Variants in INTS13 observed in about 807,000 individuals in gnomAD.
The protein encoded by INTS13 is integrator complex subunit 13, also known as asunder, spermatogenesis regulator homolog (Drosphila).
A neutral mutation model predicts 90.2 loss-of-function variants in INTS13; 35 were observed. The ratio of observed to expected loss-of-function variants is 0.39; its 90% CI spans 0.30 to 0.51. The LOEUF (loss-of-function observed/expected upper bound fraction) is 0.51, where lower values mean the gene tolerates loss of function less well. Ranked by LOEUF, INTS13 falls within the 20% of genes least tolerant of loss-of-function variation. The pLI, the probability that INTS13 is intolerant of heterozygous loss-of-function variation, is 0.80. For missense variants in INTS13, 601 were observed against 851.2 expected (o/e 0.71, Z 3.66); for synonymous variants, 309 against 277.1 (o/e 1.11, Z -1.14).
At chr12:26,909,724 G>A (rs950945513) in intron 15 of INTS13, among the ~76,000 whole-genome samples, 3 of 152,162 alleles carry the variant, frequency 2.0e-5, no homozygotes, top group African/African-American at 7.2e-5. Flanking sequence ...GGGCCCTCTA[G>A]CAAATGCCTG....
chr12:26,918,298 A>AC (rs1291023858), intron 8 of INTS13, among the ~76,000 whole-genome samples: 1 of 152,188 alleles, frequency 6.6e-6, no homozygotes, highest in Non-Finnish European at 1.5e-5. Context: ...AGAAACACTA[A>AC]CATTATCAAG....
At chr12:26,912,586 C>T (rs1951812122) in intron 14 of INTS13, among the ~76,000 whole-genome samples, 1 of 152,130 alleles carries the variant, frequency 6.6e-6, no homozygotes, top group Non-Finnish European at 1.5e-5. Context: ...TTAACGCTGA[C>T]ATCATAATAT....
At chr12:26,910,684 T>G (rs9783415) in intron 15 of INTS13, among the ~76,000 whole-genome samples, 3,348 of 152,280 alleles carry the variant, frequency 0.022, 121 homozygotes, top group African/African-American at 0.076. Flanking sequence ...TTACCCAGTC[T>G]TGGGTATTTT....
chr12:26,933,565 T>G (rs1190049373), intron 3 of INTS13, among the ~76,000 whole-genome samples: 1 of 151,948 alleles, frequency 6.6e-6, no homozygotes, highest in Non-Finnish European at 1.5e-5. Context: ...AGGGGCAAGG[T>G]AAACTACAGG....
intron 5 of INTS13, 29 bp from the exon 6 acceptor site, chr12:26,925,880 TAAG>T (rs1296025431): frequency 6.8e-7 from 1 of 1,469,234 alleles, no homozygotes; most frequent in Non-Finnish European, 9.5e-7. Context: ...ACTTAAAATT[TAAG>T]AATACATAGT....
chr12:26,912,653 G>A (rs1056720470), intron 14 of INTS13, among the ~76,000 whole-genome samples: 1 of 151,858 alleles, frequency 6.6e-6, no homozygotes, highest in African/African-American at 2.4e-5. Flanking sequence ...AGAATAGACT[G>A]TATGCCCTTC....
In INTS13 at chr12:26,916,130, T is replaced by C; in HGVS notation, c.1120A>G (p.Ser374Gly). The change falls in exon 11 of 17, where the codon AGT becomes GGT. Residue 374 changes from serine (S) to glycine (G), a missense_variant. Physicochemically the swap from Ser to Gly is moderately conservative, Grantham distance 56. Coordinates refer to ENST00000261191, the MANE Select transcript of INTS13 (RefSeq NM_018164.3). ...QPRKSGSKVI[S>G]HMLSSHGGEI... ...CCTCCATGGCTACTAAGCATATGAC[T>C]AATGACTTTAGAACCTGACTTTCGT... is the stretch of plus-strand genomic sequence containing the variant. The C allele has an allele frequency of 6.2e-7, 1 of 1,613,742 alleles. No individual in the cohort carries two copies. The highest frequency in any genetic ancestry group is 8.5e-7 in the Non-Finnish European group (1 of 1,179,866).
chr12:26,928,171 G>T, intron 5 of INTS13, 34 bp downstream of exon 5: 3 of 1,451,374 alleles, frequency 2.1e-6, no homozygotes, highest in South Asian at 1.2e-5. Context: ...CTATCCACAT[G>T]AACATATTTA....
chr12:26,926,156 T>C (rs1288130645), intron 5 of INTS13, among the ~76,000 whole-genome samples: 1 of 152,220 alleles, frequency 6.6e-6, no homozygotes, highest in Non-Finnish European at 1.5e-5. Flanking sequence ...CGAAAATGAA[T>C]ATATTGTGTA....
chr12:26,912,914 A>G (rs1270416819), intron 14 of INTS13, among the ~76,000 whole-genome samples: 9 of 152,096 alleles, frequency 5.9e-5, no homozygotes, highest in Admixed American at 5.2e-4. Context: ...TTTTTTAAGT[A>G]GAGACAGGAT....
intron 3 of INTS13, among the ~76,000 whole-genome samples, chr12:26,931,793 A>T (rs1198845806): frequency 2.0e-5 from 3 of 150,466 alleles, no homozygotes; most frequent in Admixed American, 2.0e-4. Context: ...CTTACTAAAA[A>T]ACATAAACCC....
chr12:26,917,830 A>G, intron 8 of INTS13, 97 bp from the exon 9 acceptor site: 1 of 961,298 alleles, frequency 1.0e-6, no homozygotes, highest in Non-Finnish European at 1.6e-6. Flanking sequence ...TAATTTAAAA[A>G]ATAATAAAAG....
At chr12:26,917,881 T>C in intron 8 of INTS13, 148 bp from the exon 9 acceptor site, 1 of 606,814 alleles carries the variant, frequency 1.6e-6, no homozygotes, top group South Asian at 2.1e-5. Flanking sequence ...CCCAGCACTT[T>C]GGGAGGCTGA....
chr12:26,913,906 G>T (rs1951861100), intron 13 of INTS13, 68 bp downstream of exon 13: 2 of 1,418,832 alleles, frequency 1.4e-6, no homozygotes, highest in Admixed American at 2.3e-5. Context: ...TATGGAATAA[G>T]TTATCTTGAG....
intron 3 of INTS13, among the ~76,000 whole-genome samples, chr12:26,931,258 C>T (rs891541338): frequency 6.6e-6 from 1 of 151,704 alleles, no homozygotes; most frequent in Admixed American, 6.6e-5. Flanking sequence ...TCCTGGCTAA[C>T]ACAGTGAAAC....
chr12:26,906,185 T>G, intron 16 of INTS13, 117 bp downstream of exon 16: 1 of 967,732 alleles, frequency 1.0e-6, no homozygotes, highest in Admixed American at 2.7e-5. Context: ...ATGGGGAACA[T>G]GTATTAGTTC....
chr12:26,929,867 T>C (rs1938097088), intron 3 of INTS13, among the ~76,000 whole-genome samples: 1 of 151,634 alleles, frequency 6.6e-6, no homozygotes, highest in Non-Finnish European at 1.5e-5. Flanking sequence ...GAATCCAGAT[T>C]GGAAAGAAAG....
At chr12:26,929,550 G>A (rs535399598) in intron 3 of INTS13, among the ~76,000 whole-genome samples, 5 of 147,816 alleles carry the variant, frequency 3.4e-5, no homozygotes, top group South Asian at 2.1e-4. Context: ...GCAAGACACC[G>A]TTTCTATAAA....
chr12:26,917,422 T>C lies in INTS13; in HGVS notation c.999A>G (p.Gly333=). ...CATCTACAGGTGAAATCCGATAAGC[T>C]CCAGTACAATAGTGTAATTCTGAAA... The part of the protein sequence containing the change: ...TNNIELHYCT[G]AYRISPVDVN... Residue 333 remains glycine, a synonymous_variant, in exon 10 of 17, where the codon GGA becomes GGG. Transcript: ENST00000261191. The C allele has an allele frequency of 6.4e-7, 1 of 1,561,108 alleles. No homozygotes were observed. Among genetic ancestry groups the C allele is most frequent in the Non-Finnish European group, 8.8e-7 (1 of 1,142,138 alleles).
Sources: gnomAD v4.1 joint callset for allele counts (sites outside exome capture counted in the v4.1 genomes callset) on GRCh38, gnomAD v4.1.1 for gene constraint, MANE v1.5 for transcripts, NCBI Gene and HGNC (gene_info 2026-07-23, HGNC 2026-07-21) for gene names.